RARB: variants seen among roughly 807,000 people sequenced by gnomAD.
RARB encodes the protein retinoic acid receptor beta, also known as HBV-activated protein.
RARB carries 17 observed loss-of-function variants against 51.9 expected under a neutral mutation model. The ratio of observed to expected loss-of-function variants is 0.33; its 90% CI spans 0.22 to 0.49. RARB has a LOEUF of 0.49. Among genes scored for constraint, RARB ranks in the 20% least tolerant of loss-of-function variants. The probability of loss-of-function intolerance (pLI) is 0.99; values close to 1 mark genes in which losing one functional copy is unlikely to be tolerated. For synonymous variants in RARB, 215 were observed against 195.4 expected (o/e 1.10, Z -0.84); for missense variants, 369 against 550.8 (o/e 0.67, Z 3.30).
chr3:25,486,630 C>G (rs1260831827), intron 2 of RARB, among the ~76,000 whole-genome samples: 1 of 152,176 alleles, frequency 6.6e-6, no homozygotes, highest in Non-Finnish European at 1.5e-5. Context: ...TAGTCATTAT[C>G]TGTATATACC....
chr3:25,329,962 A>G (rs144891398), intron 5 of RARB, among the ~76,000 whole-genome samples: 1 of 152,344 alleles, frequency 6.6e-6, no homozygotes, highest in African/African-American at 2.4e-5. Flanking sequence ...AGAAGTTTAG[A>G]GAAAAATTAA....
chr3:25,294,337 C>T (rs961946281), intron 5 of RARB, among the ~76,000 whole-genome samples: 1 of 152,198 alleles, frequency 6.6e-6, no homozygotes, highest in Non-Finnish European at 1.5e-5. Flanking sequence ...TTAGTACTTA[C>T]CGCATGGCCT....
chr3:25,104,635 C>T (rs1043780926), intron 3 of RARB, among the ~76,000 whole-genome samples: 30 of 152,034 alleles, frequency 2.0e-4, no homozygotes, highest in African/African-American at 6.5e-4. Flanking sequence ...CACAATGAGA[C>T]TCCATCACAA....
At chr3:25,164,643 A>C (rs1224558753) in intron 4 of RARB, among the ~76,000 whole-genome samples, 1 of 152,248 alleles carries the variant, frequency 6.6e-6, no homozygotes, top group East Asian at 1.9e-4. Flanking sequence ...TAATATTTAA[A>C]TATTAAATAC....
chr3:24,948,631 G>A (rs542478717), intron 2 of RARB, among the ~76,000 whole-genome samples: 1 of 152,298 alleles, frequency 6.6e-6, no homozygotes, highest in East Asian at 1.9e-4. Flanking sequence ...TGGTTTGGAT[G>A]TTTGTCCCCT....
intron 2 of RARB, among the ~76,000 whole-genome samples, chr3:24,896,136 T>G (rs985541449): frequency 6.6e-6 from 1 of 152,172 alleles, no homozygotes; most frequent in Non-Finnish European, 1.5e-5. Flanking sequence ...ACGATTCCAC[T>G]TATATGAGCA....
At position 25,208,452 on chromosome 3, in the gene RARB, C is replaced by T. The variant is rs537360856; in HGVS notation, c.178+33877C>T. ...TGACCTTTCAAGCAAGTCATTTGCT[C>T]TAATTTTGCGTTTCTTTGCTATATT... On this transcript the variant is annotated intron_variant, in intron 5 of 11. Coordinates refer to the RARB transcript ENST00000383772. Among the ~76,000 whole-genome samples the T allele has an allele frequency of 2.6e-5, 4 of 152,128 alleles. No individual in the cohort carries two copies. In the South Asian group the frequency reaches 6.2e-4, roughly 24 times the overall value.
intron 2 of RARB, among the ~76,000 whole-genome samples, chr3:25,031,332 G>C (rs1297312021): frequency 6.6e-6 from 1 of 152,278 alleles, no homozygotes. Flanking sequence ...CCATAAAACT[G>C]TTAAGAAACA....
rs530439978 is a variant in RARB at position 24,913,757 on chromosome 3, C to T, written c.-380+55005C>T. The stretch of plus-strand genomic sequence containing the variant: ...AATCTTTACAGTCCCATATTTTGAA[C>T]GTTTTTGGGGAAAAAGTTATCAAGA... On this transcript the variant is annotated intron_variant, in intron 2 of 11. Coordinates refer to the RARB transcript ENST00000383772. Among the ~76,000 whole-genome samples, 11 of 152,198 alleles carry T rather than the reference C, an allele frequency of 7.2e-5. No individual in the cohort carries two copies. The South Asian group carries it at 1.5e-3, about 20-fold the overall frequency.
chr3:25,052,876 A>G (rs2125300468), intron 2 of RARB, among the ~76,000 whole-genome samples: 1 of 150,936 alleles, frequency 6.6e-6, no homozygotes, highest in Non-Finnish European at 1.5e-5. Flanking sequence ...GTGAGAGGTA[A>G]AAAAGTCATA....
chr3:25,500,480 T>TTTTTTTTTC (rs1697257749), intron 2 of RARB, among the ~76,000 whole-genome samples: 1 of 127,882 alleles, frequency 7.8e-6, no homozygotes. Flanking sequence ...TTTTTTTTTT[T>TTTTTTTTTC]TGGTTGTTGT....
At chr3:25,018,824 C>A (rs1216166808) in intron 2 of RARB, among the ~76,000 whole-genome samples, 1 of 152,142 alleles carries the variant, frequency 6.6e-6, no homozygotes, top group African/African-American at 2.4e-5. Context: ...TATTGCCTTA[C>A]AATAGCAAAC....
At chr3:25,392,175 C>T (rs1416088114) in intron 5 of RARB, among the ~76,000 whole-genome samples, 1 of 152,006 alleles carries the variant, frequency 6.6e-6, no homozygotes, top group East Asian at 1.9e-4. Flanking sequence ...CTTTTGTTTG[C>T]TTTGTCAAAG....
chr3:24,860,649 AGCATTGCAT>A (rs1159416328), intron 2 of RARB, among the ~76,000 whole-genome samples: 1 of 152,204 alleles, frequency 6.6e-6, no homozygotes, highest in East Asian at 1.9e-4. Flanking sequence ...TACAGAAGAG[AGCATTGCAT>A]GCAGTCTTTA....
At chr3:25,439,653 G>A (rs551036561) in intron 1 of RARB, among the ~76,000 whole-genome samples, 12 of 152,244 alleles carry the variant, frequency 7.9e-5, no homozygotes, top group Admixed American at 2.6e-4. Flanking sequence ...TTGCCTTGGC[G>A]TGTCAAAGTG....
intron 5 of RARB, among the ~76,000 whole-genome samples, chr3:25,582,016 A>G (rs765687443): frequency 6.6e-6 from 1 of 152,108 alleles, no homozygotes; most frequent in Non-Finnish European, 1.5e-5. Flanking sequence ...AGTGGGGTAT[A>G]CGGCCAGAGT....
chr3:24,995,452 C>T (rs1697001291), intron 2 of RARB, among the ~76,000 whole-genome samples: 1 of 151,826 alleles, frequency 6.6e-6, no homozygotes, highest in Non-Finnish European at 1.5e-5. Flanking sequence ...GTTTGGATGC[C>T]CTTCATTTCT....
chr3:25,444,650 A>C (rs1392356157), intron 1 of RARB, among the ~76,000 whole-genome samples: 1 of 152,188 alleles, frequency 6.6e-6, no homozygotes, highest in African/African-American at 2.4e-5. Flanking sequence ...TTTTGCTATT[A>C]TTTTGAACTG....
intron 2 of RARB, among the ~76,000 whole-genome samples, chr3:24,933,844 C>A (rs1049859648): frequency 1.3e-5 from 2 of 151,802 alleles, no homozygotes; most frequent in African/African-American, 4.8e-5. Flanking sequence ...AAGGAAGGAT[C>A]GAACAAAGCA....
Sources: gnomAD v4.1 joint callset for allele counts (sites outside exome capture counted in the v4.1 genomes callset) on GRCh38, gnomAD v4.1.1 for gene constraint, MANE v1.5 for transcripts, NCBI Gene and HGNC (gene_info 2026-07-23, HGNC 2026-07-21) for gene names.